SNTG1: variants seen among roughly 807,000 people sequenced by gnomAD.
The protein encoded by SNTG1 is gamma-1-syntrophin.
Under a neutral mutation model 74.7 loss-of-function variants are expected in SNTG1, and 39 were observed. The ratio of observed to expected loss-of-function variants is 0.52; its 90% CI spans 0.40 to 0.68. SNTG1 has a LOEUF of 0.68. Ranked by LOEUF, SNTG1 falls within the 30% of genes least tolerant of loss-of-function variation. SNTG1 has a pLI of 0.00. For synonymous variants in SNTG1, 254 were observed against 217.1 expected, an observed-to-expected ratio of 1.17 and a Z score of -1.49; for missense variants, 685 against 609.5, an observed-to-expected ratio of 1.12 and a Z score of -1.30.
intron 9 of SNTG1, among the ~76,000 whole-genome samples, chr8:50,515,709 C>G (rs310581): frequency 0.14 from 21,526 of 152,074 alleles, 1,660 homozygotes; most frequent in African/African-American, 0.19. Flanking sequence ...GGGTAGAGTG[C>G]ACCACAACTC....
intron 15 of SNTG1, among the ~76,000 whole-genome samples, chr8:50,676,225 T>C (rs958757796): frequency 3.6e-4 from 55 of 152,054 alleles, no homozygotes; most frequent in African/African-American, 1.3e-3. Context: ...TTGAAGTGTG[T>C]TTTTCAGCTT....
At chr8:50,095,074 T>C (rs549257862) in intron 1 of SNTG1, among the ~76,000 whole-genome samples, 2 of 152,172 alleles carry the variant, frequency 1.3e-5, no homozygotes, top group Admixed American at 6.5e-5. Flanking sequence ...AAATACCGCA[T>C]ATTCTCACTT....
intron 2 of SNTG1, among the ~76,000 whole-genome samples, chr8:50,319,990 T>C (rs1474638002): frequency 2.6e-5 from 4 of 152,200 alleles, no homozygotes; most frequent in African/African-American, 9.6e-5. Flanking sequence ...TGATGTGTCT[T>C]TGTCTGTTTT....
chr8:50,604,036 G>T (rs1209475823), intron 13 of SNTG1, among the ~76,000 whole-genome samples: 1 of 152,172 alleles, frequency 6.6e-6, no homozygotes, highest in Non-Finnish European at 1.5e-5. Context: ...GCCAGCAAGG[G>T]TAATGTCTTG....
chr8:50,374,551 A>G (rs1261234897), intron 2 of SNTG1, among the ~76,000 whole-genome samples: 1 of 152,182 alleles, frequency 6.6e-6, no homozygotes, highest in Non-Finnish European at 1.5e-5. Context: ...TTCCCAGACC[A>G]GGTACCCAGT....
intron 12 of SNTG1, among the ~76,000 whole-genome samples, chr8:50,576,169 G>A (rs2094575718): frequency 6.6e-6 from 1 of 152,086 alleles, no homozygotes; most frequent in African/African-American, 2.4e-5. Context: ...ATAATGTAAT[G>A]GAAGGTCCAG....
chr8:50,181,080 G>A (rs1209403326), intron 2 of SNTG1, among the ~76,000 whole-genome samples: 1 of 152,086 alleles, frequency 6.6e-6, no homozygotes, highest in Non-Finnish European at 1.5e-5. Flanking sequence ...CTCTTGAAGA[G>A]AAGTCTTGCA....
intron 1 of SNTG1, among the ~76,000 whole-genome samples, chr8:50,106,326 T>C (rs2080369590): frequency 1.3e-5 from 2 of 152,160 alleles, no homozygotes; most frequent in Admixed American, 6.6e-5. Context: ...GAGAATAACA[T>C]GGGGGGAATC....
At chr8:50,524,876 C>T (rs1441331969) in intron 9 of SNTG1, among the ~76,000 whole-genome samples, 1 of 152,032 alleles carries the variant, frequency 6.6e-6, no homozygotes, top group Admixed American at 6.6e-5. Flanking sequence ...AGTTATTTTT[C>T]ACAGTTTTAT....
intron 2 of SNTG1, among the ~76,000 whole-genome samples, chr8:50,268,573 G>C (rs1212867835): frequency 6.6e-6 from 1 of 152,056 alleles, no homozygotes; most frequent in Non-Finnish European, 1.5e-5. Context: ...CATGGCACTG[G>C]AGGAGGGAGA....
chr8:50,425,043 G>A (rs1175459865), intron 4 of SNTG1, among the ~76,000 whole-genome samples: 2 of 152,102 alleles, frequency 1.3e-5, no homozygotes, highest in Non-Finnish European at 2.9e-5. Context: ...AGTAGAGATA[G>A]CATTTTTTAA....
At chr8:50,231,405 C>T (rs1354423372) in intron 2 of SNTG1, among the ~76,000 whole-genome samples, 1 of 151,306 alleles carries the variant, frequency 6.6e-6, no homozygotes, top group Non-Finnish European at 1.5e-5. Context: ...GATTTGAAAT[C>T]AATATGTCAA....
At chr8:49,967,470 T>C (rs1811249802) in intron 1 of SNTG1, among the ~76,000 whole-genome samples, 1 of 152,210 alleles carries the variant, frequency 6.6e-6, no homozygotes, top group African/African-American at 2.4e-5. Flanking sequence ...TCATTGCACA[T>C]ACGTGGTGAT....
chr8:50,270,974 C>A, intron 2 of SNTG1, among the ~76,000 whole-genome samples: 1 of 152,158 alleles, frequency 6.6e-6, no homozygotes, highest in East Asian at 1.9e-4. Flanking sequence ...GTGCTTGCTG[C>A]CTCTGTTTTT....
rs1021638797 is a variant in SNTG1, at chr8:50,103,912, C to T, written c.-102-68649C>T. Among the ~76,000 whole-genome samples the T allele has an allele frequency of 7.2e-5, 11 of 152,224 alleles. 1 individual carries two copies. The highest frequency in any genetic ancestry group is 2.4e-4 in the African/African-American group (10 of 41,538). ...AGCCTTGCATCCCAGGGATGAAGCCCACTTGATCATGCTGGATAAGCTTTT... is the reference window on the plus strand; with the variant it reads ...AGCCTTGCATCCCAGGGATGAAGCCTACTTGATCATGCTGGATAAGCTTTT... On this transcript the variant is annotated intron_variant, in intron 1 of 18. Transcript: ENST00000642720.
chr8:50,565,498 T>G (rs2094511553), intron 12 of SNTG1, among the ~76,000 whole-genome samples: 2 of 152,090 alleles, frequency 1.3e-5, no homozygotes, highest in Non-Finnish European at 1.5e-5. Flanking sequence ...TTAAAAAGTT[T>G]ACTTAAATAT....
At chr8:50,389,484 G>C (rs1187659660) in intron 2 of SNTG1, among the ~76,000 whole-genome samples, 2 of 152,044 alleles carry the variant, frequency 1.3e-5, no homozygotes, top group South Asian at 4.1e-4. Flanking sequence ...GTGTCCAAGT[G>C]TTCTCATTGT....
At chr8:50,597,282 TATATATATACACACAC>T (rs1189230203) in intron 13 of SNTG1, among the ~76,000 whole-genome samples, 1 of 150,434 alleles carries the variant, frequency 6.6e-6, no homozygotes, top group Non-Finnish European at 1.5e-5. Flanking sequence ...AATATATACA[TATATATATACACACAC>T]ATATATATAC....
chr8:50,008,021 C>T (rs1815409190), intron 1 of SNTG1, among the ~76,000 whole-genome samples: 1 of 151,940 alleles, frequency 6.6e-6, no homozygotes, highest in Non-Finnish European at 1.5e-5. Flanking sequence ...GGGGATACTG[C>T]CCCCATGATC....
Sources: gnomAD v4.1 joint callset for allele counts (sites outside exome capture counted in the v4.1 genomes callset) on GRCh38, gnomAD v4.1.1 for gene constraint, MANE v1.5 for transcripts, NCBI Gene and HGNC (gene_info 2026-07-23, HGNC 2026-07-21) for gene names.